Variants in TSPEAR observed in about 807,000 individuals in gnomAD.
TSPEAR encodes thrombospondin type laminin G domain and EAR repeats.
TSPEAR carries 69 observed loss-of-function variants against 71.6 expected under a neutral mutation model. The observed-to-expected ratio is 0.96, with a 90% CI of 0.79 to 1.18. The LOEUF is 1.18. Ranked by LOEUF, TSPEAR falls within the 50% of genes most tolerant of loss-of-function variation. The pLI, the probability that TSPEAR is intolerant of heterozygous loss-of-function variation, is 0.00. For missense variants in TSPEAR, 971 were observed against 894.9 expected (o/e 1.09, Z -1.09); for synonymous variants, 402 against 387.2 (o/e 1.04, Z -0.45).
chr21:44,527,668 C>T (rs2052885440), intron 6 of TSPEAR, 150 bp from the exon 7 acceptor site: 1 of 727,228 alleles, frequency 1.4e-6, no homozygotes, highest in Admixed American at 2.4e-5. Context: ...TTCGCTCTCA[C>T]AGGAAAGGCC....
At chr21:44,573,605 CCAA>C in intron 1 of TSPEAR, 4 of 1,312,090 alleles carry the variant, frequency 3.0e-6, no homozygotes, top group Middle Eastern at 2.1e-4. Context: ...GCTGTACACC[CCAA>C]CAAGGAAGGG....
chr21:44,551,203 G>T (rs1601404267), intron 2 of TSPEAR: 3 of 1,584,872 alleles, frequency 1.9e-6, no homozygotes, highest in Non-Finnish European at 2.6e-6. Flanking sequence ...CAAGCCGGCT[G>T]GCAGCTAGAC....
intron 2 of TSPEAR, chr21:44,551,437 T>C (rs587764265): frequency 3.1e-6 from 5 of 1,612,162 alleles, no homozygotes; most frequent in East Asian, 4.5e-5. Flanking sequence ...CTGGAGCAGA[T>C]GGACATGGTG....
chr21:44,705,957 C>A (rs542530397), intron 1 of TSPEAR, among the ~76,000 whole-genome samples: 146 of 152,326 alleles, frequency 9.6e-4, no homozygotes, highest in Non-Finnish European at 1.6e-3. Flanking sequence ...ATCCTACCAA[C>A]GTGTGATGTC....
At position 44,539,347 on chromosome 21, in the gene TSPEAR, G is replaced by C. The variant is rs782052279; in HGVS notation, c.304-5424C>G. 1.9e-6 allele frequency: 3 copies of C among 1,612,152 alleles called. No individual in the cohort carries two copies. In the Admixed American group the frequency reaches 5.0e-5, roughly 27 times the overall value. The stretch of plus-strand genomic sequence containing the variant: ...ACGCGGGGCGGCAGAGGAGGGACAC[G>C]CAGGAGGCCGGGCGGCAGCAGCTGG... On this transcript the variant is annotated intron_variant, in intron 2 of 11. Coordinates refer to ENST00000323084, the MANE Select transcript of TSPEAR (RefSeq NM_144991.3).
In TSPEAR at chr21:44,711,122, GGGAGGCCCAGCAGGTAAGCACTTGT is replaced by G. The variant is rs1277880282; in HGVS notation, c.82+286_82+310del. 3.3e-5 allele frequency among the ~76,000 whole-genome samples: 5 copies of G among 152,306 alleles called. No homozygotes were observed. The highest frequency in any genetic ancestry group is 3.3e-4 in the Admixed American group (5 of 15,294). On this transcript the variant is annotated intron_variant, in intron 1 of 11. Coordinates refer to ENST00000323084, the MANE Select transcript of TSPEAR (RefSeq NM_144991.3). The surrounding 1 kb of genome is among the most constrained non-coding windows in gnomAD (Gnocchi z 4.5). ...CCCAAAGCAGGTGTCAGCCTTTCCC[GGGAGGCCCAGCAGGTAAGCACTTGT>G]GGAGGCCCCGGTGGCTGCTGGTTAG...
At position 44,570,318 on chromosome 21, in the gene TSPEAR, A is replaced by G. The variant is rs2053774645; in HGVS notation, c.83-2313T>C. Among the ~76,000 whole-genome samples, 6 of 152,356 alleles carry G rather than the reference A, an allele frequency of 3.9e-5. No homozygotes were observed. In the South Asian group the frequency reaches 1.2e-3, roughly 32 times the overall value. On this transcript the variant is annotated intron_variant, in intron 1 of 11. Transcript: ENST00000323084. Reference sequence around the variant, plus strand: ...TCCTGGCTCCGGACCCCACGCCTGCAGTGTTGTGTGCCTCTCAGCCTCCTG... The same window carrying G: ...TCCTGGCTCCGGACCCCACGCCTGCGGTGTTGTGTGCCTCTCAGCCTCCTG...
chr21:44,663,830 ATTC>A (rs1985618506), intron 1 of TSPEAR, among the ~76,000 whole-genome samples: 1 of 152,104 alleles, frequency 6.6e-6, no homozygotes, highest in Non-Finnish European at 1.5e-5. Context: ...TCAACTTATA[ATTC>A]ACCATATCAA....
intron 1 of TSPEAR, among the ~76,000 whole-genome samples, chr21:44,667,818 G>A (rs893558848): frequency 2.2e-4 from 33 of 152,152 alleles, no homozygotes; most frequent in African/African-American, 6.8e-4. Context: ...AAAAAACCAC[G>A]TGATCATCTC....
At chr21:44,640,923 T>G (rs1332246226) in intron 1 of TSPEAR, among the ~76,000 whole-genome samples, 1 of 151,844 alleles carries the variant, frequency 6.6e-6, no homozygotes, top group Non-Finnish European at 1.5e-5. Context: ...CCAGGAAGGG[T>G]GGGGTTGGCC....
chr21:44,517,565 T>C (rs1023256536), intron 9 of TSPEAR: 1 of 350,520 alleles, frequency 2.9e-6, no homozygotes, highest in African/African-American at 2.1e-5. Context: ...TGACTGGCAC[T>C]GGCCCATGGG....
At chr21:44,694,816 T>TGGAGGAAGTGG (rs1987262406) in intron 1 of TSPEAR, among the ~76,000 whole-genome samples, 1 of 152,050 alleles carries the variant, frequency 6.6e-6, no homozygotes, top group African/African-American at 2.4e-5. Flanking sequence ...GAGTAGCTCG[T>TGGAGGAAGTGG]GGAGGAAGTG....
intron 1 of TSPEAR, among the ~76,000 whole-genome samples, chr21:44,639,798 A>C (rs1285671811): frequency 6.6e-6 from 1 of 151,566 alleles, no homozygotes; most frequent in Non-Finnish European, 1.5e-5. Context: ...CCTCCTCCAC[A>C]TTTGCCATTG....
rs755762664 is a variant in TSPEAR at position 44,593,508 on chromosome 21, G to C, written c.83-25503C>G. On this transcript the variant is annotated intron_variant, in intron 1 of 11. Transcript: ENST00000323084. This position sits in a 1 kb window ranked among gnomAD's most constrained non-coding sequence, Gnocchi z 5.9. ...ACATAAAATCCTAAGCCCCTCAACT[G>C]ACTAAATGGATCCCATCTTGCCCAC... Among the ~76,000 whole-genome samples, 2 of 152,130 alleles carry C rather than the reference G, an allele frequency of 1.3e-5. No individual in the cohort carries two copies. The highest frequency in any genetic ancestry group is 6.5e-5 in the Admixed American group (1 of 15,274).
intron 9 of TSPEAR, chr21:44,518,403 A>G (rs1284116186): frequency 4.8e-6 from 2 of 413,934 alleles, no homozygotes; most frequent in Non-Finnish European, 9.9e-6. Flanking sequence ...TGTAAATTGG[A>G]CTTGGTGTTA....
chr21:44,645,779 G>A (rs1433804663), intron 1 of TSPEAR, among the ~76,000 whole-genome samples: 2 of 152,076 alleles, frequency 1.3e-5, no homozygotes, highest in African/African-American at 4.8e-5. Flanking sequence ...CAGGATAGGT[G>A]GAAACAGAAT....
Position 44,623,258 on chromosome 21 carries a change from C to T in TSPEAR, c.83-55253G>A, listed in dbSNP as rs1982564459. 6.6e-6 allele frequency among the ~76,000 whole-genome samples: 1 copy of T among 152,182 alleles called. No homozygotes were observed. Among genetic ancestry groups the T allele is most frequent in the Non-Finnish European group, 1.5e-5 (1 of 68,038 alleles). On this transcript the variant is annotated intron_variant, in intron 1 of 11. Transcript: ENST00000323084. The surrounding 1 kb of genome is among the most constrained non-coding windows in gnomAD (Gnocchi z 4.5). Reference sequence around the variant, plus strand: ...TCAACCCACTACACTCATCTACTTCCTCCTGAGTTGTATATTCTTTCATTA... The same window carrying T: ...TCAACCCACTACACTCATCTACTTCTTCCTGAGTTGTATATTCTTTCATTA...
chr21:44,696,587 T>C (rs1001898765), intron 1 of TSPEAR, among the ~76,000 whole-genome samples: 1 of 152,080 alleles, frequency 6.6e-6, no homozygotes, highest in Admixed American at 6.5e-5. Flanking sequence ...AAAATAAAAA[T>C]AAATCCAGCT....
intron 1 of TSPEAR, among the ~76,000 whole-genome samples, chr21:44,616,705 G>T (rs781833765): frequency 6.6e-6 from 1 of 152,238 alleles, no homozygotes; most frequent in African/African-American, 2.4e-5. Context: ...ATGAGACACC[G>T]TGACAATGCG....
Sources: gnomAD v4.1 joint callset for allele counts (sites outside exome capture counted in the v4.1 genomes callset) on GRCh38, gnomAD v4.1.1 for gene constraint, Gnocchi (gnomAD v3.1) non-coding constraint, MANE v1.5 for transcripts, NCBI Gene and HGNC (gene_info 2026-07-23, HGNC 2026-07-21) for gene names.